Variants in TG observed in about 807,000 individuals in gnomAD.
TG encodes the protein thyroid hormones.
In TG, 270 loss-of-function variants were observed where a neutral mutation model predicts 324.7. The observed-to-expected ratio is 0.83, with a 90% CI of 0.75 to 0.92. The LOEUF (loss-of-function observed/expected upper bound fraction) is 0.92. Ranked by LOEUF, TG falls within the 40% of genes least tolerant of loss-of-function variation. The pLI is 0.00. For synonymous variants in TG, 1,401 were observed against 1,327.0 expected, an observed-to-expected ratio of 1.06 and a Z score of -1.21; for missense variants, 3,591 against 3,456.4, an observed-to-expected ratio of 1.04 and a Z score of -0.98.
At chr8:133,042,685 T>TTTTTTTC (rs1838515531) in intron 41 of TG, among the ~76,000 whole-genome samples, 1 of 116,886 alleles carries the variant, frequency 8.6e-6, no homozygotes, top group African/African-American at 3.8e-5. Context: ...TGTCTTTTTT[T>TTTTTTTC]TTTTTTTTTT....
At chr8:133,106,170 G>T (rs1351800708) in intron 43 of TG, among the ~76,000 whole-genome samples, 1 of 152,184 alleles carries the variant, frequency 6.6e-6, no homozygotes, top group Non-Finnish European at 1.5e-5. Context: ...GCTGTGGGCA[G>T]CAAAGACTGA....
chr8:132,995,402 G>A (rs991181803), intron 35 of TG: 33 of 985,096 alleles, frequency 3.3e-5, no homozygotes, highest in Non-Finnish European at 4.0e-5. Context: ...CGCCTTAGGA[G>A]TCTGTCTGTG....
chr8:132,890,382 A>AT (rs1313388149), intron 10 of TG, among the ~76,000 whole-genome samples: 1 of 152,144 alleles, frequency 6.6e-6, no homozygotes, highest in Non-Finnish European at 1.5e-5. Context: ...TCTTTTGTTG[A>AT]TAAGGGTATG....
intron 22 of TG, among the ~76,000 whole-genome samples, chr8:132,925,953 G>A (rs899376610): frequency 2.6e-5 from 4 of 152,190 alleles, no homozygotes; most frequent in Non-Finnish European, 5.9e-5. Flanking sequence ...TCCCTGAGGC[G>A]CTGGCTTCTG....
intron 43 of TG, among the ~76,000 whole-genome samples, chr8:133,107,560 C>T (rs185065026): frequency 1.4e-4 from 22 of 152,320 alleles, no homozygotes; most frequent in Admixed American, 8.5e-4. Context: ...CATCTGTGCT[C>T]GGGGCCTCGC....
rs183827586 is a variant in TG at position 132,895,093 on chromosome 8, G to A, written c.3001+1164G>A. 4.1e-3 allele frequency among the ~76,000 whole-genome samples: 625 copies of A among 152,340 alleles called. 4 individuals are homozygous for A. Among genetic ancestry groups the A allele is most frequent in the African/African-American group, 0.014 (591 of 41,582 alleles). ...CTTGTTCTTCCTCCATAACCTCACA[G>A]CTGCTCTGGCAGGAGAACAGGTCCC... On this transcript the variant is annotated intron_variant, in intron 11 of 47. Transcript: ENST00000220616.
intron 35 of TG, among the ~76,000 whole-genome samples, chr8:132,990,414 T>C (rs1485326491): frequency 2.0e-5 from 3 of 152,090 alleles, no homozygotes; most frequent in African/African-American, 2.4e-5. Flanking sequence ...CAAATGTTTA[T>C]CATTTCTTTG....
At chr8:132,932,125 G>T (rs76478696) in intron 23 of TG, among the ~76,000 whole-genome samples, 59 of 119,808 alleles carry the variant, frequency 4.9e-4, no homozygotes, top group Middle Eastern at 4.3e-3. Flanking sequence ...TTATTTTTTT[G>T]GGGGGGGTGT....
At chr8:132,941,204 G>A (rs1159349072) in intron 25 of TG, 147 bp from the exon 26 acceptor site, 5 of 992,694 alleles carry the variant, frequency 5.0e-6, no homozygotes, top group Non-Finnish European at 7.8e-6. Flanking sequence ...GAAGCTTTGT[G>A]GCACAGAGAG....
chr8:132,983,775 A>G, intron 35 of TG: 2 of 374,014 alleles, frequency 5.3e-6, no homozygotes, highest in South Asian at 2.3e-5. Context: ...TTTATGGCCA[A>G]AAAGGGAAAG....
chr8:132,931,315 T>C (rs1822686026), intron 23 of TG, among the ~76,000 whole-genome samples: 1 of 152,260 alleles, frequency 6.6e-6, no homozygotes, highest in Non-Finnish European at 1.5e-5. Context: ...AGTCACATTC[T>C]GTGGTGCTTG....
chr8:133,060,398 A>C, intron 41 of TG: 1 of 1,516,722 alleles, frequency 6.6e-7, no homozygotes, highest in East Asian at 2.5e-5. Context: ...AGGGAATGAC[A>C]GAAAAACCAC....
chr8:133,078,363 T>C (rs1261365446), intron 41 of TG, among the ~76,000 whole-genome samples: 1 of 152,198 alleles, frequency 6.6e-6, no homozygotes, highest in East Asian at 1.9e-4. Context: ...GGAGGTGGAC[T>C]TCTCACAACA....
chr8:132,941,212 G>C (rs1381740789), intron 25 of TG, 139 bp from the exon 26 acceptor site: 32 of 1,041,262 alleles, frequency 3.1e-5, no homozygotes. Flanking sequence ...GTGGCACAGA[G>C]AGCATCTCAT....
intron 41 of TG, among the ~76,000 whole-genome samples, chr8:133,043,113 G>A (rs1387161702): frequency 6.6e-6 from 1 of 152,154 alleles, no homozygotes; most frequent in South Asian, 2.1e-4. Context: ...TATTCACAGA[G>A]GTGAACAGAT....
intron 35 of TG, among the ~76,000 whole-genome samples, chr8:132,990,365 G>A (rs1410747805): frequency 1.3e-5 from 2 of 152,006 alleles, no homozygotes; most frequent in Non-Finnish European, 2.9e-5. Context: ...TATACAATGT[G>A]TAATGATCAT....
intron 32 of TG, among the ~76,000 whole-genome samples, chr8:132,969,772 A>G (rs897941569): frequency 3.9e-5 from 6 of 152,002 alleles, no homozygotes; most frequent in Non-Finnish European, 5.9e-5. Flanking sequence ...TTAGCTGGGC[A>G]TGGTGGCGGC....
chr8:132,867,337 T>C (rs1007071854), intron 1 of TG, among the ~76,000 whole-genome samples: 1 of 152,094 alleles, frequency 6.6e-6, no homozygotes, highest in Admixed American at 6.5e-5. Flanking sequence ...ACCCCACCAT[T>C]TTGGCAAACT....
Position 132,886,731 on chromosome 8 carries a change from G to A in TG, c.1359G>A (p.Leu453=). The change falls in exon 9 of 48, where the codon CTG becomes CTA. Residue 453 remains leucine (L), a synonymous_variant. Transcript: ENST00000220616. The stretch of plus-strand genomic sequence containing the variant: ...GAGCAATTTTTCCCTCCCGAGGGCT[G>A]GCTCGTCTTGCCCTTCAGTTTACCA... ...AIRAIFPSRG[L]ARLALQFTTN... is the part of the protein sequence containing the mutation. 1 of 1,614,176 alleles carries A rather than the reference G, an allele frequency of 6.2e-7. No homozygotes were observed. Among genetic ancestry groups the A allele is most frequent in the East Asian group, 2.2e-5 (1 of 44,874 alleles).
Sources: gnomAD v4.1 joint callset for allele counts (sites outside exome capture counted in the v4.1 genomes callset) on GRCh38, gnomAD v4.1.1 for gene constraint, MANE v1.5 for transcripts, NCBI Gene and HGNC (gene_info 2026-07-23, HGNC 2026-07-21) for gene names.